XRCC4: variants seen among roughly 807,000 people sequenced by gnomAD.
XRCC4 encodes the protein DNA repair protein XRCC4.
In XRCC4, 28 loss-of-function variants were observed where a neutral mutation model predicts 39.1. The observed-to-expected ratio is 0.72, with a 90% CI of 0.53 to 0.98. The LOEUF (loss-of-function observed/expected upper bound fraction) is 0.98. Among genes scored for constraint, XRCC4 ranks in the 50% least tolerant of loss-of-function variants. XRCC4 has a pLI of 0.00. For missense variants in XRCC4, 350 were observed against 376.4 expected (o/e 0.93, Z 0.58); for synonymous variants, 123 against 126.4 (o/e 0.97, Z 0.18).
chr5:83,117,218 C>T (rs556788754), intron 3 of XRCC4, among the ~76,000 whole-genome samples: 1 of 152,246 alleles, frequency 6.6e-6, no homozygotes, highest in Admixed American at 6.5e-5. Context: ...CTTCATTTAA[C>T]AGTAGATTGT....
At chr5:83,324,091 G>A (rs1391585662) in intron 7 of XRCC4, among the ~76,000 whole-genome samples, 1 of 152,006 alleles carries the variant, frequency 6.6e-6, no homozygotes, top group African/African-American at 2.4e-5. Flanking sequence ...TTTTGTTAGA[G>A]CTTTTTGATT....
At chr5:83,147,193 G>T (rs1198317549) in intron 3 of XRCC4, among the ~76,000 whole-genome samples, 1 of 152,158 alleles carries the variant, frequency 6.6e-6, no homozygotes, top group African/African-American at 2.4e-5. Flanking sequence ...GGAAGCTGAG[G>T]TGGGAGGGTC....
At chr5:83,134,690 G>A (rs1212604643) in intron 3 of XRCC4, among the ~76,000 whole-genome samples, 3 of 152,262 alleles carry the variant, frequency 2.0e-5, no homozygotes, top group East Asian at 1.9e-4. Flanking sequence ...CAACTCACTC[G>A]GGTACCCTTG....
At chr5:83,104,805 A>T in intron 1 of XRCC4, 105 bp from the exon 2 acceptor site, 1 of 1,049,330 alleles carries the variant, frequency 9.5e-7, no homozygotes, top group Non-Finnish European at 1.4e-6. Flanking sequence ...TGTTTTGCTT[A>T]TTTTCTTATT....
In XRCC4 at chr5:83,109,908, G is replaced by C. The variant is rs575747953; in HGVS notation, c.140-1120G>C. Among the ~76,000 whole-genome samples, 5 of 152,054 alleles carry C rather than the reference G, an allele frequency of 3.3e-5. No homozygotes were observed. The South Asian group carries it at 1.0e-3, about 32-fold the overall frequency. ...TAAAAAAACTACTACTCTCTGTCCA[G>C]AGGATGCAGCATAAAAACAGAACAA... On this transcript the variant is annotated intron_variant, in intron 2 of 7. Transcript: ENST00000396027.
intron 7 of XRCC4, among the ~76,000 whole-genome samples, chr5:83,329,518 G>A (rs1315862298): frequency 1.3e-5 from 2 of 152,036 alleles, no homozygotes; most frequent in South Asian, 2.1e-4. Flanking sequence ...AAATATGGCC[G>A]ACATCATTAC....
intron 7 of XRCC4, among the ~76,000 whole-genome samples, chr5:83,336,046 C>A (rs1427468633): frequency 1.3e-5 from 2 of 151,672 alleles, no homozygotes; most frequent in East Asian, 3.9e-4. Context: ...GAAAAGTGTT[C>A]AGTGATAAAA....
intron 3 of XRCC4, among the ~76,000 whole-genome samples, chr5:83,120,024 GAAACAA>G (rs1339155074): frequency 7.0e-6 from 1 of 143,506 alleles, no homozygotes; most frequent in Non-Finnish European, 1.5e-5. Context: ...AACAATAACA[GAAACAA>G]AAACAAACAA....
intron 3 of XRCC4, among the ~76,000 whole-genome samples, chr5:83,155,861 C>A (rs897526849): frequency 6.6e-6 from 1 of 151,932 alleles, no homozygotes; most frequent in East Asian, 1.9e-4. Flanking sequence ...TTTGTCTAAA[C>A]CTATCGTTAT....
intron 7 of XRCC4, among the ~76,000 whole-genome samples, chr5:83,279,573 C>T (rs898239736): frequency 2.0e-5 from 3 of 152,160 alleles, no homozygotes; most frequent in Non-Finnish European, 4.4e-5. Flanking sequence ...AATTTAATAA[C>T]TTAAATGTGA....
chr5:83,215,181 C>CA (rs894750177), intron 6 of XRCC4, among the ~76,000 whole-genome samples: 1 of 151,586 alleles, frequency 6.6e-6, no homozygotes, highest in African/African-American at 2.4e-5. Flanking sequence ...ACAAAAAATA[C>CA]AAAAAAACTT....
chr5:83,206,698 G>A (rs1278380480), intron 6 of XRCC4, among the ~76,000 whole-genome samples: 3 of 152,126 alleles, frequency 2.0e-5, no homozygotes, highest in Non-Finnish European at 4.4e-5. Flanking sequence ...GAAAGAATAT[G>A]TTTGTATACT....
intron 7 of XRCC4, among the ~76,000 whole-genome samples, chr5:83,297,761 A>G (rs1043516675): frequency 6.6e-6 from 1 of 151,898 alleles, no homozygotes; most frequent in Non-Finnish European, 1.5e-5. Flanking sequence ...AGGAACATGA[A>G]TATATGTGAA....
chr5:83,124,317 G>GTTTGTCACTGTAGT lies in XRCC4; in HGVS notation c.315+13124_315+13137dup, dbSNP rs1368254242. 1.4e-4 allele frequency among the ~76,000 whole-genome samples: 21 copies of GTTTGTCACTGTAGT among 152,172 alleles called. No homozygotes were observed. In the South Asian group the frequency reaches 4.3e-3, roughly 32 times the overall value. ...TATAATCCCTGGTAGCCACCGATCT[G>GTTTGTCACTGTAGT]TTTGTCACTGTAGTTTTGTCACTTT... On this transcript the variant is annotated intron_variant, in intron 3 of 7. Transcript: ENST00000396027.
At chr5:83,171,143 C>T (rs1749703232) in intron 3 of XRCC4, among the ~76,000 whole-genome samples, 2 of 152,100 alleles carry the variant, frequency 1.3e-5, no homozygotes, top group Non-Finnish European at 2.9e-5. Context: ...CTGCTTGCTT[C>T]CACTTCTCAA....
intron 1 of XRCC4, among the ~76,000 whole-genome samples, chr5:83,079,626 A>G (rs1295943205): frequency 1.3e-5 from 2 of 152,108 alleles, no homozygotes; most frequent in African/African-American, 2.4e-5. Context: ...CCTCCAGGGC[A>G]GAAGCGATCT....
chr5:83,320,368 A>G (rs1756018765), intron 7 of XRCC4, among the ~76,000 whole-genome samples: 1 of 149,420 alleles, frequency 6.7e-6, no homozygotes, highest in Admixed American at 6.7e-5. Context: ...AAAAAATAAA[A>G]AATAAAAAAA....
chr5:83,105,385 G>A (rs1056021934), intron 2 of XRCC4, among the ~76,000 whole-genome samples: 11 of 152,126 alleles, frequency 7.2e-5, no homozygotes, highest in Admixed American at 2.0e-4. Flanking sequence ...AAGAAGTCTG[G>A]GGCAGAGGAA....
intron 3 of XRCC4, among the ~76,000 whole-genome samples, chr5:83,148,805 G>GATA (rs910143628): frequency 1.0e-4 from 15 of 150,706 alleles, no homozygotes; most frequent in Admixed American, 2.0e-4. Context: ...CATCAATAAT[G>GATA]ATAATAATAA....
Sources: allele counts gnomAD v4.1 joint callset (sites outside exome capture counted in the v4.1 genomes callset), GRCh38; gene constraint gnomAD v4.1.1; transcripts MANE v1.5; gene names NCBI Gene and HGNC (gene_info 2026-07-23, HGNC 2026-07-21).